ATG5: variants seen among roughly 807,000 people sequenced by gnomAD.
The protein encoded by ATG5 is autophagy related 5, also known as autophagy protein 5.
ATG5 carries 14 observed loss-of-function variants against 36.5 expected under a neutral mutation model. That is an observed-to-expected ratio of 0.38 (90% CI 0.25 to 0.60). ATG5 has a LOEUF of 0.60. ATG5 is among the 20% of genes least tolerant of loss of function. ATG5 has a pLI of 0.60. For synonymous variants in ATG5, 95 were observed against 101.5 expected, an observed-to-expected ratio of 0.94 and a Z score of 0.38; for missense variants, 195 against 326.7, an observed-to-expected ratio of 0.60 and a Z score of 3.11.
chr6:106,276,731 A>G (rs1582643119), intron 5 of ATG5, among the ~76,000 whole-genome samples: 2 of 152,152 alleles, frequency 1.3e-5, no homozygotes, highest in East Asian at 3.8e-4. Flanking sequence ...ATTAACTTCA[A>G]TTGTGAAGTT....
intron 5 of ATG5, among the ~76,000 whole-genome samples, chr6:106,278,418 ATC>A (rs1259073265): frequency 1.3e-5 from 2 of 152,236 alleles, no homozygotes; most frequent in Admixed American, 1.3e-4. Flanking sequence ...GTCATAAAAT[ATC>A]TGAGAGTTCC....
At chr6:106,213,455 C>T (rs1300553858) in intron 6 of ATG5, among the ~76,000 whole-genome samples, 3 of 151,968 alleles carry the variant, frequency 2.0e-5, no homozygotes, top group African/African-American at 7.3e-5. Flanking sequence ...AATATTACAA[C>T]AGTAGAGAAT....
chr6:106,276,447 G>C (rs1779655472), intron 5 of ATG5, among the ~76,000 whole-genome samples: 1 of 144,950 alleles, frequency 6.9e-6, no homozygotes, highest in African/African-American at 2.5e-5. Flanking sequence ...CTGGGCGACA[G>C]AGCGAGACTC....
chr6:106,249,683 A>G (rs1778489142), intron 5 of ATG5, among the ~76,000 whole-genome samples: 1 of 152,228 alleles, frequency 6.6e-6, no homozygotes. Context: ...AGGAACTGCC[A>G]TACTGTTTTC....
chr6:106,209,802 T>C (rs1013858895), intron 6 of ATG5, among the ~76,000 whole-genome samples: 3 of 152,108 alleles, frequency 2.0e-5, no homozygotes, highest in African/African-American at 7.2e-5. Context: ...GATCTTTCTG[T>C]ATTATTTCTT....
At chr6:106,291,656 T>C (rs1780312734) in intron 4 of ATG5, among the ~76,000 whole-genome samples, 1 of 152,230 alleles carries the variant, frequency 6.6e-6, no homozygotes, top group South Asian at 2.1e-4. Flanking sequence ...AATCTAATTA[T>C]TGGAATTACC....
At chr6:106,294,067 T>C (rs1383103633) in intron 3 of ATG5, among the ~76,000 whole-genome samples, 1 of 152,172 alleles carries the variant, frequency 6.6e-6, no homozygotes, top group East Asian at 1.9e-4. Flanking sequence ...AGCACTTCCT[T>C]TGAGTGTCAC....
At chr6:106,206,370 G>C (rs928301416) in intron 6 of ATG5, among the ~76,000 whole-genome samples, 2 of 152,248 alleles carry the variant, frequency 1.3e-5, no homozygotes, top group East Asian at 3.9e-4. Context: ...CTCCAGAACT[G>C]TGAGAAATAA....
At chr6:106,189,097 G>A (rs908444228) in intron 7 of ATG5, among the ~76,000 whole-genome samples, 1 of 152,098 alleles carries the variant, frequency 6.6e-6, no homozygotes, top group Non-Finnish European at 1.5e-5. Flanking sequence ...ATTGTTGCTG[G>A]TAGAATTATA....
At chr6:106,305,331 C>T (rs1770401692) in intron 3 of ATG5, among the ~76,000 whole-genome samples, 2 of 152,206 alleles carry the variant, frequency 1.3e-5, no homozygotes, top group African/African-American at 4.8e-5. Context: ...GTTTAAAAAA[C>T]AAAGCCCCCG....
chr6:106,211,499 G>A lies in ATG5; in HGVS notation c.574-9410C>T, dbSNP rs530120491. On this transcript the variant is annotated intron_variant, in intron 6 of 7. Coordinates refer to ENST00000369076, the MANE Select transcript of ATG5 (RefSeq NM_004849.4). ...GCTGAGGCGGGTGGATCATGAGGTC[G>A]GGAGTTCGAGGCCAGCCTGGCCAAC... 2.6e-5 allele frequency among the ~76,000 whole-genome samples: 4 copies of A among 152,174 alleles called. No homozygotes were observed. In the East Asian group the frequency reaches 5.8e-4, roughly 22 times the overall value.
At chr6:106,322,989 G>A (rs765094034) in intron 1 of ATG5, among the ~76,000 whole-genome samples, 1 of 151,618 alleles carries the variant, frequency 6.6e-6, no homozygotes, top group Non-Finnish European at 1.5e-5. Context: ...GCGCAATCTC[G>A]GCTCTCTGCA....
Position 106,282,466 on chromosome 6 carries a change from T to C in ATG5, c.316-2643A>G, listed in dbSNP as rs1169534461. On this transcript the variant is annotated intron_variant, in intron 4 of 7. Transcript: ENST00000369076. ...ACCCTTTGCCCCAGAAGTAACCCTTTCCTCCAAAAGTCCTGTGGTTTTTAC... is the reference window on the plus strand; with the variant it reads ...ACCCTTTGCCCCAGAAGTAACCCTTCCCTCCAAAAGTCCTGTGGTTTTTAC... 2.0e-5 allele frequency among the ~76,000 whole-genome samples: 3 copies of C among 152,178 alleles called. 1 individual carries two copies. The highest frequency in any genetic ancestry group is 4.1e-4 in the South Asian group (2 of 4,830).
intron 6 of ATG5, among the ~76,000 whole-genome samples, chr6:106,239,459 T>TG: frequency 1.3e-5 from 2 of 152,130 alleles, no homozygotes; most frequent in Non-Finnish European, 2.9e-5. Flanking sequence ...GACAGGACAC[T>TG]ATGGGGAACT....
intron 6 of ATG5, among the ~76,000 whole-genome samples, chr6:106,229,806 T>C (rs939943291): frequency 5.3e-5 from 8 of 152,208 alleles, no homozygotes; most frequent in African/African-American, 1.2e-4. Context: ...ACTGCTTTGC[T>C]AACAGAAAAA....
intron 4 of ATG5, among the ~76,000 whole-genome samples, chr6:106,287,738 C>T (rs942891932): frequency 6.6e-6 from 1 of 152,206 alleles, no homozygotes; most frequent in African/African-American, 2.4e-5. Flanking sequence ...ACATTAACTC[C>T]TTTTTTAAAA....
At chr6:106,211,670 AC>A (rs1189650330) in intron 6 of ATG5, among the ~76,000 whole-genome samples, 1 of 152,188 alleles carries the variant, frequency 6.6e-6, no homozygotes, top group Non-Finnish European at 1.5e-5. Context: ...AGATCATGTC[AC>A]TGCACTCCAG....
chr6:106,302,470 G>T (rs1770257445), intron 3 of ATG5, among the ~76,000 whole-genome samples: 1 of 151,964 alleles, frequency 6.6e-6, no homozygotes, highest in Non-Finnish European at 1.5e-5. Context: ...TGGCACTGGG[G>T]AAGATAAACT....
intron 7 of ATG5, 35 bp from the exon 8 acceptor site, chr6:106,186,711 TCAAAA>T (rs1302774871): frequency 1.5e-5 from 24 of 1,605,386 alleles, no homozygotes; most frequent in Non-Finnish European, 2.0e-5. Context: ...ACAATAAAAG[TCAAAA>T]CAGTTGAAGA....
Sources: gnomAD v4.1 joint callset for allele counts (sites outside exome capture counted in the v4.1 genomes callset) on GRCh38, gnomAD v4.1.1 for gene constraint, MANE v1.5 for transcripts, NCBI Gene and HGNC (gene_info 2026-07-23, HGNC 2026-07-21) for gene names.